PDE5A: variants seen among roughly 807,000 people sequenced by gnomAD.
The protein encoded by PDE5A is cGMP-specific 3',5'-cyclic phosphodiesterase.
A neutral mutation model predicts 110.2 loss-of-function variants in PDE5A; 67 were observed. The ratio of observed to expected loss-of-function variants is 0.61; its 90% CI spans 0.50 to 0.75. PDE5A has a LOEUF of 0.75. PDE5A is among the 30% of genes least tolerant of loss of function. PDE5A has a pLI of 0.00. For synonymous variants in PDE5A, 328 were observed against 351.2 expected (o/e 0.93, Z 0.74); for missense variants, 862 against 1,045.1 (o/e 0.82, Z 2.42).
At position 119,497,876 on chromosome 4, in the gene PDE5A, TC is replaced by T. The variant is rs1185793601; in HGVS notation, c.*724del. ...CAATCAAGTCAGTGACTGGATCATC[TC>T]CTAAGGTTTCACCTGCTTTGCATCA... On this transcript the variant is annotated 3_prime_UTR_variant, in exon 21 of 21. Coordinates refer to ENST00000354960, the MANE Select transcript of PDE5A (RefSeq NM_001083.4). 4 of 152,272 alleles carry T rather than the reference TC, an allele frequency of 2.6e-5. No homozygotes were observed. Among genetic ancestry groups the T allele is most frequent in the Admixed American group, 2.0e-4 (3 of 15,290 alleles). 9.4% of individuals were successfully genotyped at this position (152,272 alleles called of 1,614,324 possible).
In PDE5A at chr4:119,565,419, CAG is replaced by C. The variant is rs776757617; in HGVS notation, c.904-11_904-10del. 1.3e-6 allele frequency: 2 copies of C among 1,583,888 alleles called. No individual in the cohort carries two copies. The highest frequency in any genetic ancestry group is 1.7e-6 in the Non-Finnish European group (2 of 1,153,480). ...AAATAAGCAGCAAAGTCCTAAAAAACAGATAATAGACAAATAAAAACGGTACA... is the reference window on the plus strand; with the variant it reads ...AAATAAGCAGCAAAGTCCTAAAAAACATAATAGACAAATAAAAACGGTACA... On this transcript the variant is annotated splice_polypyrimidine_tract_variant and intron_variant, in intron 4 of 20. Coordinates refer to ENST00000354960, the MANE Select transcript of PDE5A (RefSeq NM_001083.4).
At chr4:119,602,080 T>C (rs1194472263) in intron 2 of PDE5A, among the ~76,000 whole-genome samples, 1 of 152,194 alleles carries the variant, frequency 6.6e-6, no homozygotes, top group Non-Finnish European at 1.5e-5. Context: ...GGACAACTGA[T>C]GAAATTTTGA....
chr4:119,561,923 C>A (rs925716070), intron 6 of PDE5A, among the ~76,000 whole-genome samples: 1 of 152,118 alleles, frequency 6.6e-6, no homozygotes, highest in Non-Finnish European at 1.5e-5. Flanking sequence ...GTACTGAATA[C>A]CTTTTATTAT....
chr4:119,597,642 G>A (rs968359814), intron 2 of PDE5A, among the ~76,000 whole-genome samples: 34 of 152,138 alleles, frequency 2.2e-4, no homozygotes, highest in African/African-American at 5.8e-4. Context: ...CAAAAACTAC[G>A]CAGTTGGAAT....
intron 18 of PDE5A, 89 bp from the exon 19 acceptor site, chr4:119,502,744 G>C: frequency 1.3e-6 from 1 of 782,964 alleles, no homozygotes; most frequent in Non-Finnish European, 2.2e-6. Context: ...GTTAGGAGCT[G>C]TATATCTCCA....
chr4:119,541,292 G>A (rs143709010), intron 10 of PDE5A, among the ~76,000 whole-genome samples: 1 of 151,284 alleles, frequency 6.6e-6, no homozygotes, highest in South Asian at 2.1e-4. Flanking sequence ...GAAAAAATTA[G>A]ATTAAAAATT....
intron 11 of PDE5A, chr4:119,527,206 T>G (rs375168902): frequency 2.6e-5 from 4 of 152,180 alleles, no homozygotes; most frequent in African/African-American, 7.2e-5. Flanking sequence ...GAAGCCAGCA[T>G]AGCTTGTGCC....
intron 1 of PDE5A, among the ~76,000 whole-genome samples, chr4:119,614,092 A>G (rs1208604373): frequency 6.6e-6 from 1 of 151,894 alleles, no homozygotes; most frequent in East Asian, 2.0e-4. Context: ...TAAAAGGACC[A>G]CACACTGTTT....
intron 3 of PDE5A, among the ~76,000 whole-genome samples, chr4:119,577,789 C>T (rs1441844730): frequency 6.6e-6 from 1 of 152,154 alleles, no homozygotes; most frequent in Non-Finnish European, 1.5e-5. Flanking sequence ...GACAGGGATG[C>T]CCTCTCTCAC....
At chr4:119,549,076 C>CAA (rs1322285994) in intron 9 of PDE5A, 1 of 151,442 alleles carries the variant, frequency 6.6e-6, no homozygotes, top group African/African-American at 2.4e-5. Flanking sequence ...AGCAGCTTAT[C>CAA]TCTCCATGTA....
intron 12 of PDE5A, 110 bp from the exon 13 acceptor site, chr4:119,521,170 A>T: frequency 8.8e-7 from 1 of 1,134,092 alleles, no homozygotes; most frequent in Non-Finnish European, 1.2e-6. Context: ...TCCGATTTGG[A>T]TCATCTTACA....
intron 5 of PDE5A, among the ~76,000 whole-genome samples, chr4:119,563,632 T>C (rs1025247858): frequency 2.0e-5 from 3 of 152,168 alleles, no homozygotes; most frequent in Non-Finnish European, 4.4e-5. Flanking sequence ...GAAAGTGGTA[T>C]ACTGAAAGTT....
In PDE5A at chr4:119,560,258, T is replaced by G. The variant is rs775648490; in HGVS notation, c.1199+38A>C. On this transcript the variant is annotated intron_variant, in intron 7 of 20. Coordinates refer to ENST00000354960, the MANE Select transcript of PDE5A (RefSeq NM_001083.4). ...AAATAACTATTTAGCCAATATTATA[T>G]CATGTGATAAAGACAAGTAGAGAAT... The G allele has an allele frequency of 2.6e-6, 3 of 1,160,732 alleles. No individual in the cohort carries two copies. In the Admixed American group the frequency reaches 6.1e-5, roughly 23 times the overall value. 71.9% of individuals were successfully genotyped at this position (1,160,732 alleles called of 1,614,324 possible). A position where few individuals can be genotyped will look rare whatever the true frequency, so the allele number is the denominator to read the frequency against.
At position 119,525,700 on chromosome 4, in the gene PDE5A, G is replaced by A. The variant is rs759462555; in HGVS notation, c.1633-5C>T. 35 of 1,570,326 alleles carry A rather than the reference G, an allele frequency of 2.2e-5. No individual in the cohort carries two copies. The highest frequency in any genetic ancestry group is 2.7e-5 in the Non-Finnish European group (32 of 1,164,562). ...GGCAGATGGCACCACAGCAGCCTTGGGTAAGGAAAGAAGAAAAAAAAAAAT... is the reference window on the plus strand; with the variant it reads ...GGCAGATGGCACCACAGCAGCCTTGAGTAAGGAAAGAAGAAAAAAAAAAAT... On this transcript the variant is annotated splice_polypyrimidine_tract_variant and splice_region_variant and intron_variant, in intron 11 of 20. Coordinates refer to ENST00000354960, the MANE Select transcript of PDE5A (RefSeq NM_001083.4). This position sits in a 1 kb window ranked among gnomAD's most constrained non-coding sequence, Gnocchi z 4.3.
intron 20 of PDE5A, 64 bp from the exon 21 acceptor site, chr4:119,498,802 C>T (rs1252314985): frequency 2.3e-5 from 36 of 1,580,602 alleles, no homozygotes; most frequent in Non-Finnish European, 3.1e-5. Flanking sequence ...CTCCCACAGG[C>T]CTGTTACAAA....
chr4:119,549,690 G>A (rs1727269949), intron 9 of PDE5A: 1 of 152,096 alleles, frequency 6.6e-6, no homozygotes, highest in African/African-American at 2.4e-5. Flanking sequence ...AAGGCATTTA[G>A]CATAATAAGC....
At chr4:119,600,466 C>T (rs901299159) in intron 2 of PDE5A, among the ~76,000 whole-genome samples, 4 of 151,956 alleles carry the variant, frequency 2.6e-5, no homozygotes, top group Non-Finnish European at 4.4e-5. Context: ...TTCTTAATAC[C>T]ATTCCCCCCA....
At chr4:119,594,310 T>C (rs1307307510) in intron 3 of PDE5A, among the ~76,000 whole-genome samples, 1 of 152,190 alleles carries the variant, frequency 6.6e-6, no homozygotes, top group Admixed American at 6.5e-5. Flanking sequence ...GTTCACACTA[T>C]CTAGAAAGAG....
At chr4:119,581,450 T>G (rs1311469077) in intron 3 of PDE5A, among the ~76,000 whole-genome samples, 2 of 152,188 alleles carry the variant, frequency 1.3e-5, no homozygotes, top group Non-Finnish European at 2.9e-5. Flanking sequence ...TGTATATATA[T>G]GTACATACAT....
Sources: gnomAD v4.1 joint callset for allele counts (sites outside exome capture counted in the v4.1 genomes callset) on GRCh38, gnomAD v4.1.1 for gene constraint, Gnocchi (gnomAD v3.1) non-coding constraint, MANE v1.5 for transcripts, NCBI Gene and HGNC (gene_info 2026-07-23, HGNC 2026-07-21) for gene names.